TPMT: variants seen among roughly 807,000 people sequenced by gnomAD.
TPMT encodes the protein S-adenosyl-L-methionine:thiopurine S-methyltransferase.
A neutral mutation model predicts 34.2 loss-of-function variants in TPMT; 18 were observed. The ratio of observed to expected loss-of-function variants is 0.53; its 90% CI spans 0.36 to 0.78. The LOEUF (loss-of-function observed/expected upper bound fraction) is 0.78, where lower values mean the gene tolerates loss of function less well. Ranked by LOEUF, TPMT falls within the 30% of genes least tolerant of loss-of-function variation. The pLI, the probability that TPMT is intolerant of heterozygous loss-of-function variation, is 0.00. For missense variants in TPMT, 265 were observed against 288.1 expected (o/e 0.92, Z 0.58); for synonymous variants, 69 against 92.4 (o/e 0.75, Z 1.45).
rs781193166 is a variant in TPMT, at chr6:18,130,801, A to G, written c.626-21T>C. ...TTTACCTGAAACAAGAAAGAGTAACATGTTAAAATACTATGAAGAATGACA... is the reference window on the plus strand; with the variant it reads ...TTTACCTGAAACAAGAAAGAGTAACGTGTTAAAATACTATGAAGAATGACA... On this transcript the variant is annotated intron_variant, in intron 8 of 8. Coordinates refer to ENST00000309983, the MANE Select transcript of TPMT (RefSeq NM_000367.5). The surrounding 1 kb of genome is among the most constrained non-coding windows in gnomAD (Gnocchi z 4.2). 3.2e-5 allele frequency: 50 copies of G among 1,562,326 alleles called. No individual in the cohort carries two copies. Among genetic ancestry groups the G allele is most frequent in the Non-Finnish European group, 4.2e-5 (48 of 1,133,466 alleles).
rs1364984639 is a variant in TPMT, at chr6:18,140,425, T to C, written c.367-708A>G. 3.3e-5 allele frequency among the ~76,000 whole-genome samples: 5 copies of C among 152,222 alleles called. No individual in the cohort carries two copies. The highest frequency in any genetic ancestry group is 1.2e-4 in the African/African-American group (5 of 41,536). ...TGACTTTTGGCCAGGTGTGGCAGCT[T>C]ACACCTGTAATTCCAGCACTTTGGG... On this transcript the variant is annotated intron_variant, in intron 4 of 8. Coordinates refer to ENST00000309983, the MANE Select transcript of TPMT (RefSeq NM_000367.5). The surrounding 1 kb of genome is among the most constrained non-coding windows in gnomAD (Gnocchi z 4.7).
chr6:18,142,969 C>T (rs997035770), intron 4 of TPMT, among the ~76,000 whole-genome samples: 34 of 152,092 alleles, frequency 2.2e-4, no homozygotes, highest in Non-Finnish European at 2.9e-5. Context: ...CCATAGCCTC[C>T]TGTCTCTCTG....
At chr6:18,137,910 T>C (rs1784071956) in intron 6 of TPMT, among the ~76,000 whole-genome samples, 1 of 152,174 alleles carries the variant, frequency 6.6e-6, no homozygotes, top group Admixed American at 6.5e-5. Flanking sequence ...CACAGCCTCC[T>C]GAGTAGCTGG....
intron 3 of TPMT, among the ~76,000 whole-genome samples, chr6:18,147,426 T>C (rs1421677494): frequency 6.6e-6 from 1 of 152,210 alleles, no homozygotes; most frequent in Non-Finnish European, 1.5e-5. Flanking sequence ...ATGAACATTG[T>C]CCTGCCAAAA....
At chr6:18,141,869 G>GA (rs1431929951) in intron 4 of TPMT, among the ~76,000 whole-genome samples, 1 of 152,204 alleles carries the variant, frequency 6.6e-6, no homozygotes, top group African/African-American at 2.4e-5. Flanking sequence ...TCGAGCTGCA[G>GA]ACATAGATGC....
At chr6:18,147,794 T>C (rs1784275111) in intron 3 of TPMT, 29 bp downstream of exon 3, 1 of 1,585,902 alleles carries the variant, frequency 6.3e-7, no homozygotes, top group East Asian at 2.2e-5. Context: ...TAAGGCAAGA[T>C]AATTCTGTTA....
rs6913422 is a variant in TPMT, at chr6:18,132,538, G to T, written c.581-361C>A. Among the ~76,000 whole-genome samples the T allele has an allele frequency of 2.7e-3, 407 of 152,136 alleles. 1 individual carries two copies. Among genetic ancestry groups the T allele is most frequent in the African/African-American group, 9.3e-3 (385 of 41,506 alleles). Reference sequence around the variant, plus strand: ...ATACACCCCTCCCGCTCTGCTGCAGGATATAGAGTATAAGGAAGCTGAGCT... The same window carrying T: ...ATACACCCCTCCCGCTCTGCTGCAGTATATAGAGTATAAGGAAGCTGAGCT... On this transcript the variant is annotated intron_variant, in intron 7 of 8. Transcript: ENST00000309983. The surrounding 1 kb of genome is among the most constrained non-coding windows in gnomAD (Gnocchi z 4.8).
chr6:18,136,614 C>T lies in TPMT; in HGVS notation c.494+2349G>A, dbSNP rs895805155. On this transcript the variant is annotated intron_variant, in intron 6 of 8. Transcript: ENST00000309983. This position sits in a 1 kb window ranked among gnomAD's most constrained non-coding sequence, Gnocchi z 4.7. ...GCTGGGGTCCGGAGTTCGAGACCAG[C>T]CTGACCAACATGGAGAAACCCCGTC... 2.0e-5 allele frequency among the ~76,000 whole-genome samples: 3 copies of T among 152,130 alleles called. No individual in the cohort carries two copies. The highest frequency in any genetic ancestry group is 7.2e-5 in the African/African-American group (3 of 41,424).
chr6:18,143,523 C>T lies in TPMT; in HGVS notation c.366+73G>A. On this transcript the variant is annotated intron_variant, in intron 4 of 8. Transcript: ENST00000309983. This position sits in a 1 kb window ranked among gnomAD's most constrained non-coding sequence, Gnocchi z 6.1. ...GAACCATCGGACACATGAATGGTAT[C>T]CTCATAATACTCACACTGAGAAAAA... 6.3e-7 allele frequency: 1 copy of T among 1,580,996 alleles called. No homozygotes were observed. Among genetic ancestry groups the T allele is most frequent in the Non-Finnish European group, 8.7e-7 (1 of 1,153,734 alleles).
chr6:18,140,469 C>T lies in TPMT; in HGVS notation c.367-752G>A, dbSNP rs372732913. On this transcript the variant is annotated intron_variant, in intron 4 of 8. Coordinates refer to ENST00000309983, the MANE Select transcript of TPMT (RefSeq NM_000367.5). The surrounding 1 kb of genome is among the most constrained non-coding windows in gnomAD (Gnocchi z 4.7). Reference sequence around the variant, plus strand: ...CTTTGGGAGGCTGAAGCAGGCAGATCGCTTGAGCCCAGGAGTATGAGACCA... The same window carrying T: ...CTTTGGGAGGCTGAAGCAGGCAGATTGCTTGAGCCCAGGAGTATGAGACCA... 8.5e-5 allele frequency among the ~76,000 whole-genome samples: 13 copies of T among 152,194 alleles called. No homozygotes were observed. The highest frequency in any genetic ancestry group is 5.8e-4 in the East Asian group (3 of 5,160).
chr6:18,147,196 T>G (rs939139086), intron 3 of TPMT, among the ~76,000 whole-genome samples: 4 of 152,234 alleles, frequency 2.6e-5, no homozygotes, highest in African/African-American at 9.6e-5. Context: ...TATGATTGTA[T>G]CTGTATATTA....
chr6:18,134,524 C>A (rs1370403349), intron 6 of TPMT, among the ~76,000 whole-genome samples: 10 of 152,216 alleles, frequency 6.6e-5, no homozygotes. Context: ...TGCAATGGAA[C>A]TGTCCTTTGA....
In TPMT at chr6:18,147,697, A is replaced by G. The variant is rs552035476; in HGVS notation, c.233+126T>C. 7.2e-6 allele frequency: 6 copies of G among 831,430 alleles called. No homozygotes were observed. The Admixed American group carries it at 8.3e-5, about 11-fold the overall frequency. 51.5% of individuals were successfully genotyped at this position (831,430 alleles called of 1,614,324 possible). On this transcript the variant is annotated intron_variant, in intron 3 of 8. Transcript: ENST00000309983. Reference sequence around the variant, plus strand: ...TATTTCCAATTATATACCCATCACTAATAGAAAAATAAGGAATTTCTGTGT... The same window carrying G: ...TATTTCCAATTATATACCCATCACTGATAGAAAAATAAGGAATTTCTGTGT...
intron 1 of TPMT, among the ~76,000 whole-genome samples, chr6:18,151,110 T>G (rs1480374440): frequency 2.0e-5 from 3 of 152,136 alleles, no homozygotes; most frequent in Non-Finnish European, 4.4e-5. Flanking sequence ...TTTTTCTATT[T>G]TTCTATATCT....
intron 4 of TPMT, among the ~76,000 whole-genome samples, chr6:18,142,122 C>T (rs373677207): frequency 6.6e-5 from 10 of 151,998 alleles, no homozygotes; most frequent in Non-Finnish European, 1.0e-4. Context: ...TAAAATCCGG[C>T]GCTTCTACAC....
rs1199564878 is a variant in TPMT at position 18,130,510 on chromosome 6, A to G, written c.*158T>C. ...CTTTTTCTTCTAAAACTTTTTTAGA[A>G]AAAGTAAATGGCTTTACTAAAAAGC... is the stretch of plus-strand genomic sequence containing the variant. On this transcript the variant is annotated 3_prime_UTR_variant, in exon 9 of 9. Transcript: ENST00000309983. This position sits in a 1 kb window ranked among gnomAD's most constrained non-coding sequence, Gnocchi z 4.2. The G allele has an allele frequency of 1.7e-6, 1 of 592,556 alleles. No individual in the cohort carries two copies. The highest frequency in any genetic ancestry group is 1.9e-5 in the African/African-American group (1 of 53,396). 36.7% of individuals were successfully genotyped at this position (592,556 alleles called of 1,614,324 possible).
rs969247838 is a variant in TPMT at position 18,132,394 on chromosome 6, C to T, written c.581-217G>A. ...TTTAGCTTAGATGAGACAGCTAAACCGGTCAAGGGACTTAGGCTCATTGAA... is the reference window on the plus strand; with the variant it reads ...TTTAGCTTAGATGAGACAGCTAAACTGGTCAAGGGACTTAGGCTCATTGAA... On this transcript the variant is annotated intron_variant, in intron 7 of 8. Coordinates refer to ENST00000309983, the MANE Select transcript of TPMT (RefSeq NM_000367.5). This position sits in a 1 kb window ranked among gnomAD's most constrained non-coding sequence, Gnocchi z 4.8. 1.3e-5 allele frequency among the ~76,000 whole-genome samples: 2 copies of T among 152,132 alleles called. No individual in the cohort carries two copies. Among genetic ancestry groups the T allele is most frequent in the African/African-American group, 2.4e-5 (1 of 41,442 alleles).
chr6:18,140,765 A>G lies in TPMT; in HGVS notation c.367-1048T>C, dbSNP rs1398313079. On this transcript the variant is annotated intron_variant, in intron 4 of 8. Transcript: ENST00000309983. The surrounding 1 kb of genome is among the most constrained non-coding windows in gnomAD (Gnocchi z 4.7). ...AGAGAATAAAACAAAAAAAGAGGTGACTTTTGAAAGGGTGACACTCTAGGG... is the reference window on the plus strand; with the variant it reads ...AGAGAATAAAACAAAAAAAGAGGTGGCTTTTGAAAGGGTGACACTCTAGGG... Among the ~76,000 whole-genome samples the G allele has an allele frequency of 1.3e-5, 2 of 152,158 alleles. No individual in the cohort carries two copies. The highest frequency in any genetic ancestry group is 2.9e-5 in the Non-Finnish European group (2 of 68,026).
Position 18,132,849 on chromosome 6 carries a change from T to A in TPMT, c.581-672A>T, listed in dbSNP as rs1002042712. Among the ~76,000 whole-genome samples, 1 of 152,018 alleles carries A rather than the reference T, an allele frequency of 6.6e-6. No homozygotes were observed. Among genetic ancestry groups the A allele is most frequent in the Admixed American group, 6.6e-5 (1 of 15,248 alleles). ...TGGCTCACGCCTGTAATCCCAGCAC[T>A]TTGGGAGGCTGAGGAGGGCGGATCA... is the stretch of plus-strand genomic sequence containing the variant. On this transcript the variant is annotated intron_variant, in intron 7 of 8. Coordinates refer to ENST00000309983, the MANE Select transcript of TPMT (RefSeq NM_000367.5). The surrounding 1 kb of genome is among the most constrained non-coding windows in gnomAD (Gnocchi z 4.8).
Sources: allele counts gnomAD v4.1 joint callset (sites outside exome capture counted in the v4.1 genomes callset), GRCh38; gene constraint gnomAD v4.1.1; non-coding constraint Gnocchi (gnomAD v3.1); transcripts MANE v1.5; gene names NCBI Gene and HGNC (gene_info 2026-07-23, HGNC 2026-07-21).